SNX13: variants seen among roughly 807,000 people sequenced by gnomAD.
The protein encoded by SNX13 is sorting nexin 13.
Under a neutral mutation model 133.6 loss-of-function variants are expected in SNX13, and 45 were observed. That is an observed-to-expected ratio of 0.34 (90% CI 0.27 to 0.43). The LOEUF is 0.43. Ranked by LOEUF, SNX13 falls within the 20% of genes least tolerant of loss-of-function variation. SNX13 has a pLI of 1.00. For synonymous variants in SNX13, 414 were observed against 373.9 expected, an observed-to-expected ratio of 1.11 and a Z score of -1.24; for missense variants, 1,032 against 1,145.1, an observed-to-expected ratio of 0.90 and a Z score of 1.43.
At chr7:17,854,790 C>G (rs1203401276) in intron 9 of SNX13, among the ~76,000 whole-genome samples, 3 of 152,124 alleles carry the variant, frequency 2.0e-5, no homozygotes, top group South Asian at 2.1e-4. Flanking sequence ...TCACACATAA[C>G]AACATTGAAG....
intron 23 of SNX13, 32 bp from the exon 24 acceptor site, chr7:17,798,790 T>C (rs1784325163): frequency 6.8e-7 from 1 of 1,477,246 alleles, no homozygotes; most frequent in South Asian, 1.3e-5. Context: ...TGAGGAAGGT[T>C]AAAATTTTAG....
intron 9 of SNX13, among the ~76,000 whole-genome samples, chr7:17,852,098 C>T (rs1012348076): frequency 3.3e-5 from 5 of 152,138 alleles, no homozygotes; most frequent in African/African-American, 9.7e-5. Flanking sequence ...AAGAAAATGA[C>T]GGCCAGGTGC....
chr7:17,884,066 T>G (rs545949672), intron 5 of SNX13, among the ~76,000 whole-genome samples: 2 of 152,206 alleles, frequency 1.3e-5, no homozygotes, highest in African/African-American at 4.8e-5. Flanking sequence ...GAAAAAAGTT[T>G]GCTGATTCCT....
At chr7:17,901,382 C>T (rs1013782088) in intron 1 of SNX13, among the ~76,000 whole-genome samples, 1 of 152,096 alleles carries the variant, frequency 6.6e-6, no homozygotes, top group Non-Finnish European at 1.5e-5. Context: ...AGGACTCGCC[C>T]AGGAATTGCA....
intron 19 of SNX13, among the ~76,000 whole-genome samples, chr7:17,815,588 A>G (rs566755312): frequency 1.7e-4 from 26 of 152,304 alleles, no homozygotes; most frequent in Admixed American, 1.6e-3. Flanking sequence ...CTGTCTCAAA[A>G]CAAACAAAAC....
chr7:17,834,209 C>G (rs771764507), intron 14 of SNX13, 25 bp from the exon 15 acceptor site: 31 of 1,534,540 alleles, frequency 2.0e-5, no homozygotes, highest in Middle Eastern at 1.8e-4. Context: ...TCAAGATATT[C>G]AACAATTAAT....
At chr7:17,920,800 C>A (rs1441587561) in intron 1 of SNX13, among the ~76,000 whole-genome samples, 2 of 152,104 alleles carry the variant, frequency 1.3e-5, no homozygotes, top group Non-Finnish European at 2.9e-5. Flanking sequence ...CTTTTTCACT[C>A]TAAGTCTATA....
At chr7:17,810,583 CTG>C in intron 20 of SNX13, among the ~76,000 whole-genome samples, 1 of 152,310 alleles carries the variant, frequency 6.6e-6, no homozygotes, top group South Asian at 2.1e-4. Context: ...GACAGAGGAG[CTG>C]GTACCGTTCC....
intron 1 of SNX13, among the ~76,000 whole-genome samples, chr7:17,920,420 T>C (rs969189847): frequency 6.6e-6 from 1 of 152,210 alleles, no homozygotes; most frequent in African/African-American, 2.4e-5. Context: ...ATAGTTCTCT[T>C]GCATAACTAG....
At chr7:17,802,526 G>C (rs1271223354) in intron 21 of SNX13, among the ~76,000 whole-genome samples, 1 of 152,106 alleles carries the variant, frequency 6.6e-6, no homozygotes, top group African/African-American at 2.4e-5. Flanking sequence ...GAAAACTTCA[G>C]TGACTTTTGT....
At chr7:17,881,108 T>C (rs1413952915) in intron 5 of SNX13, 1 of 152,144 alleles carries the variant, frequency 6.6e-6, no homozygotes, top group Non-Finnish European at 1.5e-5. Flanking sequence ...CTATAATAAA[T>C]GTTATGCTCC....
intron 1 of SNX13, among the ~76,000 whole-genome samples, chr7:17,903,122 C>A (rs1219849642): frequency 1.3e-5 from 2 of 152,134 alleles, no homozygotes; most frequent in African/African-American, 4.8e-5. Flanking sequence ...GATATCCATG[C>A]TGACTGGTCC....
rs537799620 is a variant in SNX13 at position 17,799,222 on chromosome 7, C to T, written c.2299-68G>A. On this transcript the variant is annotated intron_variant, in intron 22 of 25. Coordinates refer to ENST00000428135, the MANE Select transcript of SNX13 (RefSeq NM_015132.5). ...CTACTATGAATTGTTACTTTTGTTG[C>T]TTTTACGAAATGATTGATATTTCAC... 4.0e-5 allele frequency: 53 copies of T among 1,320,480 alleles called. No homozygotes were observed. The African/African-American group carries it at 7.8e-4, about 20-fold the overall frequency. 81.8% of individuals were successfully genotyped at this position (1,320,480 alleles called of 1,614,324 possible).
intron 9 of SNX13, among the ~76,000 whole-genome samples, chr7:17,857,599 C>A (rs1459899849): frequency 6.6e-6 from 1 of 152,112 alleles, no homozygotes; most frequent in Non-Finnish European, 1.5e-5. Context: ...GCCTGGCCAA[C>A]ATGGTGAAAC....
Position 17,868,435 on chromosome 7 carries a change from T to G in SNX13, c.809A>C (p.Asp270Ala). 1 of 1,609,964 alleles carries G rather than the reference T, an allele frequency of 6.2e-7. No individual in the cohort carries two copies. The highest frequency in any genetic ancestry group is 2.2e-5 in the East Asian group (1 of 44,648). Residue 270 changes from aspartate to alanine, a missense_variant, in exon 9 of 26, where the codon GAT becomes GCT. Transcript: ENST00000428135. ...CCATATGACATACTGATTAATATAA[T>G]CAGGATCACTGAGTTGATTTATTAA... ...LPLINQLSDP[D>A]YINQYVIWMI...
chr7:17,804,430 T>C (rs893546946), intron 20 of SNX13, among the ~76,000 whole-genome samples: 2 of 152,024 alleles, frequency 1.3e-5, no homozygotes, highest in African/African-American at 4.8e-5. Context: ...AGAAGAAATT[T>C]GAAGTTCATT....
chr7:17,903,437 C>T (rs1008639226), intron 1 of SNX13, among the ~76,000 whole-genome samples: 7 of 152,148 alleles, frequency 4.6e-5, no homozygotes, highest in Admixed American at 3.3e-4. Flanking sequence ...CAGTAGAAGG[C>T]AGCAGCATAG....
intron 1 of SNX13, among the ~76,000 whole-genome samples, chr7:17,937,153 T>C (rs556676648): frequency 2.2e-4 from 34 of 151,320 alleles, no homozygotes; most frequent in Non-Finnish European, 4.6e-4. Context: ...GATAAAATAA[T>C]ATAAATTGAA....
intron 12 of SNX13, among the ~76,000 whole-genome samples, chr7:17,841,102 T>C (rs1051525319): frequency 6.6e-6 from 1 of 152,100 alleles, no homozygotes; most frequent in East Asian, 1.9e-4. Context: ...TATTCGGATC[T>C]AGGCTCTGAC....
Sources: allele counts gnomAD v4.1 joint callset (sites outside exome capture counted in the v4.1 genomes callset), GRCh38; gene constraint gnomAD v4.1.1; transcripts MANE v1.5; gene names NCBI Gene and HGNC (gene_info 2026-07-23, HGNC 2026-07-21).